The following SLC23A1 variants were observed in gnomAD, a reference collection of about 807,000 sequenced individuals.
SLC23A1 encodes solute carrier family 23 member 1, also known as Na(+)/L-ascorbic acid transporter 1.
A neutral mutation model predicts 62.5 loss-of-function variants in SLC23A1; 31 were observed. The ratio of observed to expected loss-of-function variants is 0.50; its 90% CI spans 0.37 to 0.67. The LOEUF is 0.67. Among genes scored for constraint, SLC23A1 ranks in the 30% least tolerant of loss-of-function variants. SLC23A1 has a pLI of 0.00. For synonymous variants in SLC23A1, 271 were observed against 313.2 expected (o/e 0.87, Z 1.42); for missense variants, 640 against 782.7 (o/e 0.82, Z 2.18).
intron 13 of SLC23A1, among the ~76,000 whole-genome samples, chr5:139,375,197 C>G (rs77882624): frequency 7.2e-5 from 11 of 152,184 alleles, no homozygotes; most frequent in Non-Finnish European, 1.3e-4. Context: ...GGAGGCCCAT[C>G]ATCTTGCTAC....
rs1394638754 is a variant in SLC23A1, at chr5:139,378,739, C to T, written c.1074-55G>A. 1 of 1,315,614 alleles carries T rather than the reference C, an allele frequency of 7.6e-7. No individual in the cohort carries two copies. The highest frequency in any genetic ancestry group is 1.5e-5 in the African/African-American group (1 of 68,588). 81.5% of individuals were successfully genotyped at this position (1,315,614 alleles called of 1,614,324 possible). The stretch of plus-strand genomic sequence containing the variant: ...TCCAGCCTCTGCACCAGTCTGTGTT[C>T]CCCCATCATCTTAGCAAGCTGCCGT... On this transcript the variant is annotated intron_variant, in intron 9 of 14. Transcript: ENST00000348729. This position sits in a 1 kb window ranked among gnomAD's most constrained non-coding sequence, Gnocchi z 4.5.
At chr5:139,368,340 A>AT (rs2152058987) in intron 14 of SLC23A1, among the ~76,000 whole-genome samples, 1 of 151,886 alleles carries the variant, frequency 6.6e-6, no homozygotes, top group Non-Finnish European at 1.5e-5. Flanking sequence ...ACTCCGTCTC[A>AT]TAAAAAAAAA....
chr5:139,372,615 C>T (rs541044681), intron 13 of SLC23A1, among the ~76,000 whole-genome samples: 7 of 152,158 alleles, frequency 4.6e-5, no homozygotes, highest in South Asian at 2.1e-4. Context: ...GAGACAGTCT[C>T]GCTCTGTTGC....
Position 139,373,559 on chromosome 5 carries a change from A to G in SLC23A1, c.1550-1306T>C, listed in dbSNP as rs1757792897. On this transcript the variant is annotated intron_variant, in intron 13 of 14. Transcript: ENST00000348729. ...CTCAGGTTTTCACAAGAGGGCTGGG[A>G]TCGACAAAGACTGAAATACTATAAA... Among the ~76,000 whole-genome samples the G allele has an allele frequency of 2.6e-5, 4 of 151,660 alleles. No homozygotes were observed. The South Asian group carries it at 8.5e-4, about 32-fold the overall frequency.
rs570550859 is a variant in SLC23A1, at chr5:139,378,965, C to T, written c.1073+242G>A. ...TTGCATAAGAATGCACAGTCAGAGC[C>T]GGGCACATGGAGGGCTGTCAATGAC... On this transcript the variant is annotated intron_variant, in intron 9 of 14. Transcript: ENST00000348729. This position sits in a 1 kb window ranked among gnomAD's most constrained non-coding sequence, Gnocchi z 4.5. 6.6e-6 allele frequency among the ~76,000 whole-genome samples: 1 copy of T among 152,176 alleles called. No individual in the cohort carries two copies. Among genetic ancestry groups the T allele is most frequent in the African/African-American group, 2.4e-5 (1 of 41,444 alleles).
rs75773468 is a variant in SLC23A1, at chr5:139,375,146, A to G, written c.1549+2256T>C. Among the ~76,000 whole-genome samples the G allele has an allele frequency of 2.9e-3, 440 of 152,322 alleles. 1 individual carries two copies. Among genetic ancestry groups the G allele is most frequent in the Non-Finnish European group, 5.0e-3 (342 of 68,028 alleles). ...TGGATCTTGAGAGAGAGGGAGGCAG[A>G]CAGGACCTGTGGCTGTGATCAGGCT... is the stretch of plus-strand genomic sequence containing the variant. On this transcript the variant is annotated intron_variant, in intron 13 of 14. Transcript: ENST00000348729.
Position 139,379,140 on chromosome 5 carries a change from C to G in SLC23A1, c.1073+67G>C. On this transcript the variant is annotated intron_variant, in intron 9 of 14. Transcript: ENST00000348729. This position sits in a 1 kb window ranked among gnomAD's most constrained non-coding sequence, Gnocchi z 4.7. ...AAGCCTACCCCCTGGGCCTCCACCC[C>G]GTTCCTGTGTGTGCTTCCTGGGTGG... 2.6e-6 allele frequency: 4 copies of G among 1,552,952 alleles called. No individual in the cohort carries two copies. The highest frequency in any genetic ancestry group is 3.5e-6 in the Non-Finnish European group (4 of 1,129,886).
intron 13 of SLC23A1, among the ~76,000 whole-genome samples, chr5:139,377,110 C>T (rs372721659): frequency 5.3e-5 from 8 of 151,422 alleles, no homozygotes; most frequent in African/African-American, 1.9e-4. Context: ...CAGGGCGAGA[C>T]TCCATCTCGG....
At chr5:139,370,369 C>T (rs1352177876) in intron 14 of SLC23A1, among the ~76,000 whole-genome samples, 1 of 152,184 alleles carries the variant, frequency 6.6e-6, no homozygotes. Context: ...CCGAGTTTCA[C>T]CATGTTAGCC....
rs774911856 is a variant in SLC23A1, at chr5:139,382,594, G to C, written c.48C>G (p.Thr16=). ...DLEGRTQHET[T]RDPSTPLPTE... ...TGGGTAGCGGGGTCGAGGGGTCCCTGGTGGTTTCATGCTGGAGGCAGCAGA... is the reference window on the plus strand; with the variant it reads ...TGGGTAGCGGGGTCGAGGGGTCCCTCGTGGTTTCATGCTGGAGGCAGCAGA... The change falls in exon 2 of 15, where the codon ACC becomes ACG. Residue 16 remains threonine, a synonymous_variant. Coordinates refer to ENST00000348729, the MANE Select transcript of SLC23A1 (RefSeq NM_005847.5). The C allele has an allele frequency of 1.9e-6, 3 of 1,610,596 alleles. No homozygotes were observed. The highest frequency in any genetic ancestry group is 2.5e-6 in the Non-Finnish European group (3 of 1,177,314).
intron 14 of SLC23A1, chr5:139,369,423 A>C (rs1367461006): frequency 1.3e-5 from 2 of 152,738 alleles, no homozygotes; most frequent in Non-Finnish European, 2.9e-5. Flanking sequence ...GATTCACTGC[A>C]TCATAGCTAT....
intron 13 of SLC23A1, among the ~76,000 whole-genome samples, chr5:139,376,177 A>ATTTT (rs1554159745): frequency 2.1e-5 from 3 of 142,440 alleles, no homozygotes; most frequent in Non-Finnish European, 1.5e-5. Context: ...CGATGTTTTA[A>ATTTT]TTTTTTTTTT....
intron 12 of SLC23A1, 78 bp from the exon 13 acceptor site, chr5:139,377,575 C>A: frequency 1.2e-6 from 1 of 804,592 alleles, no homozygotes; most frequent in Non-Finnish European, 2.2e-6. Context: ...TCTTGTGCAG[C>A]TATGGCAAAG....
intron 3 of SLC23A1, 24 bp from the exon 4 acceptor site, chr5:139,380,910 AGGGGT>A: frequency 1.7e-5 from 1 of 57,888 alleles, no homozygotes; most frequent in Non-Finnish European, 4.7e-5. Flanking sequence ...ACAAAGCAAC[AGGGGT>A]GGGGAGGGGC....
rs540449833 is a variant in SLC23A1 at position 139,374,324 on chromosome 5, G to A, written c.1550-2071C>T. On this transcript the variant is annotated intron_variant, in intron 13 of 14. Transcript: ENST00000348729. ...TTAGCCAGGCGTGGTGGCGGGCACC[G>A]GTAGTCCCAGCTACTCGGGAGGCTG... Among the ~76,000 whole-genome samples the A allele has an allele frequency of 4.1e-4, 62 of 152,052 alleles. 1 individual carries two copies. Among genetic ancestry groups the A allele is most frequent in the African/African-American group, 9.2e-4 (38 of 41,482 alleles).
In SLC23A1 at chr5:139,379,124, C is replaced by T. The variant is rs1021876847; in HGVS notation, c.1073+83G>A. On this transcript the variant is annotated intron_variant, in intron 9 of 14. Transcript: ENST00000348729. The surrounding 1 kb of genome is among the most constrained non-coding windows in gnomAD (Gnocchi z 4.7). ...TGTTCCCGACTTGCCTAAGCCTACCCCCTGGGCCTCCACCCCGTTCCTGTG... is the reference window on the plus strand; with the variant it reads ...TGTTCCCGACTTGCCTAAGCCTACCTCCTGGGCCTCCACCCCGTTCCTGTG... 5.5e-6 allele frequency: 8 copies of T among 1,450,030 alleles called. No homozygotes were observed. Among genetic ancestry groups the T allele is most frequent in the Middle Eastern group, 1.8e-4 (1 of 5,566 alleles). 89.8% of individuals were successfully genotyped at this position (1,450,030 alleles called of 1,614,324 possible).
chr5:139,374,220 T>C (rs556303167), intron 13 of SLC23A1, among the ~76,000 whole-genome samples: 9 of 152,322 alleles, frequency 5.9e-5, no homozygotes, highest in African/African-American at 2.2e-4. Flanking sequence ...TGTGCTGAAC[T>C]AAACGGACTG....
At chr5:139,377,073 C>T (rs967141198) in intron 13 of SLC23A1, among the ~76,000 whole-genome samples, 4 of 151,812 alleles carry the variant, frequency 2.6e-5, no homozygotes, top group Non-Finnish European at 2.9e-5. Flanking sequence ...GAGCTGAGAT[C>T]GCACCACTGC....
intron 14 of SLC23A1, 32 bp downstream of exon 14, chr5:139,371,955 A>G (rs752289068): frequency 1.0e-5 from 16 of 1,558,196 alleles, no homozygotes; most frequent in South Asian, 2.3e-5. Context: ...TGATTATTCA[A>G]CCCTCCCACA....
Sources: gnomAD v4.1 joint callset for allele counts (sites outside exome capture counted in the v4.1 genomes callset) on GRCh38, gnomAD v4.1.1 for gene constraint, Gnocchi (gnomAD v3.1) non-coding constraint, MANE v1.5 for transcripts, NCBI Gene and HGNC (gene_info 2026-07-23, HGNC 2026-07-21) for gene names.